HMCN2: variants seen among roughly 807,000 people sequenced by gnomAD.
HMCN2 encodes hemicentin 2.
Under a neutral mutation model 377.5 loss-of-function variants are expected in HMCN2, and 325 were observed. The observed-to-expected ratio is 0.86, with a 90% CI of 0.79 to 0.94. The LOEUF (loss-of-function observed/expected upper bound fraction) is 0.94, where lower values mean the gene tolerates loss of function less well. HMCN2 is among the 40% of genes least tolerant of loss of function. HMCN2 has a pLI of 0.00. For missense variants in HMCN2, 4,543 were observed against 4,725.3 expected (o/e 0.96, Z 1.13); for synonymous variants, 2,007 against 2,046.8 (o/e 0.98, Z 0.53).
rs1289621182 is a variant in HMCN2, at chr9:130,402,896, G to A, written c.11878G>A (p.Ala3960Thr). ...AHKHVFLTVQ[A>T]SPVVKPLPSV... ...CAAGCACGTCTTCCTCACTGTGCAA[G>A]GTAAGGGTCCGTGGTCCAGACCCCA... The change falls in exon 78 of 98, where the codon GCC (alanine) becomes ACC (threonine). Residue 3960 changes from alanine to threonine, a missense_variant and splice_region_variant. By Grantham distance (58) the Ala-to-Thr change is moderately conservative. Coordinates refer to ENST00000683500, the MANE Select transcript of HMCN2 (RefSeq NM_001291815.2). The A allele has an allele frequency of 7.8e-7, 1 of 1,289,402 alleles. No homozygotes were observed. Among genetic ancestry groups the A allele is most frequent in the Non-Finnish European group, 1.0e-6 (1 of 988,750 alleles). 79.9% of individuals were successfully genotyped at this position (1,289,402 alleles called of 1,614,324 possible).
At chr9:130,345,433 G>T (rs981109505) in intron 25 of HMCN2, among the ~76,000 whole-genome samples, 1 of 148,178 alleles carries the variant, frequency 6.7e-6, no homozygotes, top group African/African-American at 2.5e-5. Context: ...GGTGTGTGTA[G>T]TATGTGGTGT....
chr9:130,398,554 C>T lies in HMCN2; in HGVS notation c.11330C>T (p.Pro3777Leu). 1 of 1,240,868 alleles carries T rather than the reference C, an allele frequency of 8.1e-7. No individual in the cohort carries two copies. The highest frequency in any genetic ancestry group is 1.5e-5 in the African/African-American group (1 of 64,960). 76.9% of individuals were successfully genotyped at this position (1,240,868 alleles called of 1,614,324 possible). A position where few individuals can be genotyped will look rare whatever the true frequency, so the allele number is the denominator to read the frequency against. ...CTGACCACTGTGCTCTCCCCAGAGC[C>T]TCCAGCCATCGCCCCCAGCCCCTCC... The part of the protein sequence containing the change: ...RQGRDLRVLE[P>L]PAIAPSPSNL... Residue 3777 changes from proline (P) to leucine (L), a missense_variant, in exon 75 of 98, where the codon CCT (proline) becomes CTT (leucine). By Grantham distance (98) the Pro-to-Leu change is moderately conservative. Around this residue, in one of 5 missense-constraint regions of HMCN2, gnomAD observed 1,073 missense variants for 1,319.5 expected, o/e 0.81. Transcript: ENST00000683500.
chr9:130,395,783 C>A, intron 71 of HMCN2, 141 bp from the exon 72 acceptor site: 1 of 862,132 alleles, frequency 1.2e-6, no homozygotes, highest in Non-Finnish European at 1.6e-6. Context: ...CGGCGGGGCA[C>A]AGTCAGGGCC....
rs1588399203 is a variant in HMCN2, at chr9:130,400,768, T to C, written c.11606-15T>C. ...TGCCCGCCGGCAGGGCCTCAAGCCT[T>C]GTCTTGGGTTTTAGTGCCTCCCACC... is the stretch of plus-strand genomic sequence containing the variant. On this transcript the variant is annotated splice_polypyrimidine_tract_variant and intron_variant, in intron 76 of 97. Transcript: ENST00000683500. 1 of 1,278,092 alleles carries C rather than the reference T, an allele frequency of 7.8e-7. No homozygotes were observed. Among genetic ancestry groups the C allele is most frequent in the African/African-American group, 1.5e-5 (1 of 65,546 alleles). 79.2% of individuals were successfully genotyped at this position (1,278,092 alleles called of 1,614,324 possible).
rs1840281696 is a variant in HMCN2 at position 130,360,033 on chromosome 9, G to T, written c.5774-395G>T. Among the ~76,000 whole-genome samples the T allele has an allele frequency of 6.6e-6, 1 of 152,120 alleles. No homozygotes were observed. The highest frequency in any genetic ancestry group is 2.4e-5 in the African/African-American group (1 of 41,414). On this transcript the variant is annotated intron_variant, in intron 37 of 97. Transcript: ENST00000683500. This position sits in a 1 kb window ranked among gnomAD's most constrained non-coding sequence, Gnocchi z 4.7. Reference sequence around the variant, plus strand: ...CCATGTTCTCTAATGCCCCCTAGGGGACGGGGTCTTCTGGTAGGGGGAGGG... The same window carrying T: ...CCATGTTCTCTAATGCCCCCTAGGGTACGGGGTCTTCTGGTAGGGGGAGGG...
At chr9:130,424,703 A>G in intron 87 of HMCN2, 73 bp from the exon 88 acceptor site, 2 of 1,424,698 alleles carry the variant, frequency 1.4e-6, no homozygotes, top group Non-Finnish European at 1.8e-6. Flanking sequence ...GGGAGCCATG[A>G]CGGGACCTTG....
rs112407119 is a variant in HMCN2 at position 130,431,470 on chromosome 9, C to T, written c.14751C>T (p.Ser4917=). Residue 4917 remains serine, a synonymous_variant, in exon 96 of 98, where the codon AGC becomes AGT. Transcript: ENST00000683500. The part of the protein sequence containing the change: ...LCPAGYRLLP[S]GKNCQDINEC... ...CCGCCGGCTACCGTCTGCTCCCCAG[C>T]GGGAAGAACTGCCAGGGTGAGCCGG... The T allele has an allele frequency of 3.8e-3, 5,854 of 1,549,582 alleles. 201 individuals are homozygous for T. The African/African-American group carries it at 0.068, about 18-fold the overall frequency.
chr9:130,391,941 C>T lies in HMCN2; in HGVS notation c.9959C>T (p.Pro3320Leu), dbSNP rs1745781361. Residue 3320 changes from proline (P) to leucine (L), a missense_variant, in exon 66 of 98, where the codon CCC (proline) becomes CTC (leucine). Transcript: ENST00000683500. Reference sequence around the variant, plus strand: ...TTTTTCTACCCACCCTCAGTTCCTCCCACCATCAAGCAGGGAGCAGACGGC... The same window carrying T: ...TTTTTCTACCCACCCTCAGTTCCTCTCACCATCAAGCAGGGAGCAGACGGC... The part of the protein sequence containing the change: ...RLHTVNVLVP[P>L]TIKQGADGSG... 1.0e-6 allele frequency: 1 copy of T among 988,158 alleles called. No homozygotes were observed. Among genetic ancestry groups the T allele is most frequent in the African/African-American group, 1.7e-5 (1 of 57,430 alleles). The allele number at this position is 988,158 out of a possible 1,614,324, so 61.2% of individuals were successfully genotyped here.
At chr9:130,310,085 C>A (rs782327951) in intron 15 of HMCN2, 24 bp downstream of exon 15, 2 of 503,260 alleles carry the variant, frequency 4.0e-6, no homozygotes, top group Non-Finnish European at 8.3e-6. Flanking sequence ...TTGTCTCCCC[C>A]TCCCCTGCCC....
chr9:130,311,783 G>A (rs1837253683), intron 15 of HMCN2, among the ~76,000 whole-genome samples: 1 of 152,162 alleles, frequency 6.6e-6, no homozygotes, highest in South Asian at 2.1e-4. Flanking sequence ...CAGGACGGCT[G>A]CCACCTGGTA....
At chr9:130,385,509 G>A (rs1841973365) in intron 59 of HMCN2, 51 bp from the exon 60 acceptor site, 9 of 1,231,092 alleles carry the variant, frequency 7.3e-6, no homozygotes, top group Non-Finnish European at 9.7e-6. Context: ...GCTGAGTGGG[G>A]AGGGCGCAGG....
chr9:130,370,348 A>G (rs1273636030), intron 45 of HMCN2, among the ~76,000 whole-genome samples: 2 of 151,618 alleles, frequency 1.3e-5, no homozygotes, highest in Admixed American at 6.6e-5. Context: ...GGGCAGCCTC[A>G]TGCATTCCAT....
At chr9:130,398,790 A>G in intron 75 of HMCN2, 83 bp downstream of exon 75, 1 of 1,139,144 alleles carries the variant, frequency 8.8e-7, no homozygotes, top group Non-Finnish European at 1.2e-6. Flanking sequence ...TGGGGCAGGG[A>G]CGGGGCGGGG....
In HMCN2 at chr9:130,433,468, C is replaced by CT. The variant is rs1844891069; in HGVS notation, c.15017dup (p.Ser5007LeufsTer211). On this transcript the variant is annotated frameshift_variant, in exon 98 of 98. Coordinates refer to ENST00000683500, the MANE Select transcript of HMCN2 (RefSeq NM_001291815.2). LOFTEE classifies it high-confidence loss of function. ...ACCACGACGTGGCCCGCCTCACCGCCTTCTCCGAGGTCGGCGTCCCCGCCA... is the reference window on the plus strand; with the variant it reads ...ACCACGACGTGGCCCGCCTCACCGCCTTTCTCCGAGGTCGGCGTCCCCGCCA... 1 of 1,500,502 alleles carries CT rather than the reference C, an allele frequency of 6.7e-7. No homozygotes were observed. The highest frequency in any genetic ancestry group is 1.8e-4 in the Middle Eastern group (1 of 5,678). The allele number at this position is 1,500,502 out of a possible 1,614,324, so 92.9% of individuals were successfully genotyped here. A position where few individuals can be genotyped will look rare whatever the true frequency, so the allele number is the denominator to read the frequency against.
Position 130,391,237 on chromosome 9 carries a change from G to A in HMCN2, c.9701G>A (p.Arg3234Gln), listed in dbSNP as rs532103907. The A allele has an allele frequency of 8.1e-6, 8 of 987,780 alleles. No individual in the cohort carries two copies. Among genetic ancestry groups the A allele is most frequent in the Admixed American group, 6.1e-5 (1 of 16,306 alleles). 61.2% of individuals were successfully genotyped at this position (987,780 alleles called of 1,614,324 possible). Residue 3234 changes from arginine (R) to glutamine (Q), a missense_variant, in exon 64 of 98, where the codon CGG (arginine) becomes CAG (glutamine). Coordinates refer to ENST00000683500, the MANE Select transcript of HMCN2 (RefSeq NM_001291815.2). ...CGGATCCGGAGCTCGGGCGTGGCGC[G>A]GGAGCACCATGTCTTGGAAGGGCAG... ...APRIRSSGVA[R>Q]EHHVLEGQEV...
rs1248389780 is a variant in HMCN2, at chr9:130,376,651, A to G, written c.8054A>G (p.Asp2685Gly). 4.1e-6 allele frequency: 4 copies of G among 985,702 alleles called. No individual in the cohort carries two copies. In the African/African-American group the frequency reaches 7.0e-5, roughly 17 times the overall value. The allele number at this position is 985,702 out of a possible 1,614,324, so 61.1% of individuals were successfully genotyped here. A position where few individuals can be genotyped will look rare whatever the true frequency, so the allele number is the denominator to read the frequency against. ...CCGCCCACCATCCGCTGGTACAAGG[A>G]TGGACAGGTGAGTTTGGGACCCCCT... ...VPPPTIRWYK[D>G]GQPVTPSSRL... Residue 2685 changes from aspartate (D) to glycine (G), a missense_variant, in exon 52 of 98, where the codon GAT (aspartate) becomes GGT (glycine). By Grantham distance (94) the Asp-to-Gly change is moderately conservative. Coordinates refer to ENST00000683500, the MANE Select transcript of HMCN2 (RefSeq NM_001291815.2).
intron 15 of HMCN2, among the ~76,000 whole-genome samples, chr9:130,311,531 A>G (rs1837240792): frequency 1.3e-5 from 2 of 152,198 alleles, no homozygotes; most frequent in Non-Finnish European, 2.9e-5. Flanking sequence ...GAGAGAACAG[A>G]GGACAGGGAA....
rs542976040 is a variant in HMCN2 at position 130,284,658 on chromosome 9, A to G, written c.315A>G (p.Arg105=). ...CCACAGTGTTTCAGAGGGAGCTGAG[A>G]GAACTCTACGTGCAGGTGGGCAGCC... ...ADPTVFQREL[R]ELYVQGGGDC... Residue 105 remains arginine, a synonymous_variant, in exon 2 of 98, where the codon AGA becomes AGG. Transcript: ENST00000683500. The G allele has an allele frequency of 4.0e-5, 19 of 471,152 alleles. No homozygotes were observed. In the East Asian group the frequency reaches 1.3e-3, roughly 33 times the overall value. The allele number at this position is 471,152 out of a possible 1,614,324, so 29.2% of individuals were successfully genotyped here.
At position 130,398,712 on chromosome 9, in the gene HMCN2, C is replaced by G; in HGVS notation, c.11483+5C>G. The G allele has an allele frequency of 7.8e-7, 1 of 1,288,570 alleles. No homozygotes were observed. The highest frequency in any genetic ancestry group is 1.0e-6 in the Non-Finnish European group (1 of 988,020). The allele number at this position is 1,288,570 out of a possible 1,614,324, so 79.8% of individuals were successfully genotyped here. ...CCTGCAGCAGGGCGCCTACCGGTAA[C>G]GAGCTGGACTTTGCGGTGGCTTCCT... On this transcript the variant is annotated splice_donor_5th_base_variant and intron_variant, in intron 75 of 97. Transcript: ENST00000683500.
Sources: gnomAD v4.1 joint callset for allele counts (sites outside exome capture counted in the v4.1 genomes callset) on GRCh38, gnomAD v4.1.1 for gene constraint, gnomAD v4.1.1 regional missense constraint, Gnocchi (gnomAD v3.1) non-coding constraint, MANE v1.5 for transcripts, NCBI Gene and HGNC (gene_info 2026-07-23, HGNC 2026-07-21) for gene names.